The following PIBF1 variants were observed in gnomAD, a reference collection of about 807,000 sequenced individuals.
The protein encoded by PIBF1 is progesterone immunomodulatory binding factor 1.
PIBF1 carries 90 observed loss-of-function variants against 112.5 expected under a neutral mutation model. The ratio of observed to expected loss-of-function variants is 0.80; its 90% confidence interval spans 0.67 to 0.95. PIBF1 has a LOEUF of 0.95. Among genes scored for constraint, PIBF1 ranks in the 40% least tolerant of loss-of-function variants. The pLI, the probability that PIBF1 is intolerant of heterozygous loss-of-function variation, is 0.00. For missense variants in PIBF1, 915 were observed against 852.3 expected (o/e 1.07, Z -0.92); for synonymous variants, 301 against 288.6 (o/e 1.04, Z -0.44).
intron 14 of PIBF1, among the ~76,000 whole-genome samples, chr13:72,938,450 C>A (rs1407874209): frequency 6.6e-6 from 1 of 152,102 alleles, no homozygotes; most frequent in Non-Finnish European, 1.5e-5. Flanking sequence ...TAAATGAAAT[C>A]ATGCAATATT....
chr13:72,882,771 C>G (rs1020260817), intron 10 of PIBF1, among the ~76,000 whole-genome samples: 4 of 152,104 alleles, frequency 2.6e-5, no homozygotes, highest in Admixed American at 6.6e-5. Context: ...GGGCATTTAT[C>G]CAAAAGACAA....
chr13:72,938,057 C>CT (rs771989313), intron 14 of PIBF1, among the ~76,000 whole-genome samples: 4 of 151,912 alleles, frequency 2.6e-5, no homozygotes, highest in Non-Finnish European at 5.9e-5. Context: ...GCTATTTTGC[C>CT]TATTTTTAGT....
At chr13:72,904,785 C>T (rs188280181) in intron 11 of PIBF1, among the ~76,000 whole-genome samples, 1 of 151,736 alleles carries the variant, frequency 6.6e-6, no homozygotes, top group Admixed American at 6.6e-5. Flanking sequence ...TTTAAGACCA[C>T]ATAATATAGA....
At chr13:72,972,606 G>A (rs2042924421) in intron 15 of PIBF1, among the ~76,000 whole-genome samples, 1 of 151,826 alleles carries the variant, frequency 6.6e-6, no homozygotes, top group South Asian at 2.1e-4. Context: ...AGAGGTTGCA[G>A]TGAGCCGAGA....
chr13:72,937,967 T>C (rs1436105239), intron 14 of PIBF1, among the ~76,000 whole-genome samples: 2 of 152,246 alleles, frequency 1.3e-5, no homozygotes, highest in Admixed American at 6.5e-5. Context: ...CTATTCCTTC[T>C]GGTTGATGCA....
intron 13 of PIBF1, among the ~76,000 whole-genome samples, chr13:72,923,455 A>G (rs964724665): frequency 6.6e-6 from 1 of 152,344 alleles, no homozygotes; most frequent in East Asian, 1.9e-4. Context: ...TGGTGGTGGT[A>G]GTTTCTAGCT....
chr13:72,846,356 T>G (rs1419654941), intron 9 of PIBF1, among the ~76,000 whole-genome samples: 1 of 152,196 alleles, frequency 6.6e-6, no homozygotes, highest in East Asian at 1.9e-4. Context: ...TATATTACCT[T>G]GCTTCAAGTC....
chr13:72,993,745 CAA>C (rs34464067), intron 16 of PIBF1, among the ~76,000 whole-genome samples: 20 of 98,806 alleles, frequency 2.0e-4, no homozygotes, highest in Admixed American at 4.7e-4. Context: ...GACTCCATTT[CAA>C]AAAAAAAAAA....
At chr13:73,004,521 T>C (rs1289749893) in intron 17 of PIBF1, among the ~76,000 whole-genome samples, 1 of 103,286 alleles carries the variant, frequency 9.7e-6, no homozygotes, top group Non-Finnish European at 2.3e-5. Flanking sequence ...AAAGAAAATG[T>C]GATATTCACA....
At chr13:72,986,562 C>T (rs553499386) in intron 16 of PIBF1, among the ~76,000 whole-genome samples, 61 of 152,106 alleles carry the variant, frequency 4.0e-4, no homozygotes, top group South Asian at 2.5e-3. Flanking sequence ...AGTTATGTCC[C>T]GGAGGCTGTA....
chr13:72,884,893 T>G (rs1447653914), intron 10 of PIBF1, among the ~76,000 whole-genome samples: 1 of 152,082 alleles, frequency 6.6e-6, no homozygotes, highest in Non-Finnish European at 1.5e-5. Flanking sequence ...GGTGGGGAAA[T>G]AGTGATTTAG....
At chr13:72,902,387 ATAAT>A (rs144454026) in intron 11 of PIBF1, among the ~76,000 whole-genome samples, 2,852 of 152,044 alleles carry the variant, frequency 0.019, 39 homozygotes, top group Non-Finnish European at 0.031. Flanking sequence ...TTACGGAAAA[ATAAT>A]TAATAAATAA....
chr13:72,842,112 T>G (rs1251376391), intron 9 of PIBF1, among the ~76,000 whole-genome samples: 1 of 152,236 alleles, frequency 6.6e-6, no homozygotes, highest in African/African-American at 2.4e-5. Flanking sequence ...TGCCATTCTT[T>G]TCTGTCTAAA....
At chr13:72,923,833 G>T (rs1488836100) in intron 13 of PIBF1, among the ~76,000 whole-genome samples, 1 of 152,102 alleles carries the variant, frequency 6.6e-6, no homozygotes, top group Non-Finnish European at 1.5e-5. Context: ...GCATAGTGGT[G>T]GGCGCCTGTA....
chr13:72,873,613 G>C (rs2039258246), intron 10 of PIBF1, among the ~76,000 whole-genome samples: 1 of 151,984 alleles, frequency 6.6e-6, no homozygotes. Flanking sequence ...TGTTGGTCAG[G>C]CTGGTCTGAC....
intron 10 of PIBF1, among the ~76,000 whole-genome samples, chr13:72,874,472 A>C (rs1280996488): frequency 6.6e-6 from 1 of 152,202 alleles, no homozygotes; most frequent in Non-Finnish European, 1.5e-5. Flanking sequence ...AAAGAAGACA[A>C]ACACAAAAGA....
chr13:73,009,839 G>A (rs948763413), intron 17 of PIBF1, among the ~76,000 whole-genome samples: 2 of 152,234 alleles, frequency 1.3e-5, no homozygotes, highest in African/African-American at 4.8e-5. Context: ...CATATTAGGG[G>A]TGGGAGTAAT....
chr13:72,925,690 T>C (rs1344088949), intron 13 of PIBF1, among the ~76,000 whole-genome samples: 4 of 151,594 alleles, frequency 2.6e-5, no homozygotes, highest in Non-Finnish European at 5.9e-5. Flanking sequence ...TACAGGCGCC[T>C]GCCACCACAC....
At chr13:72,965,206 G>C (rs189126669) in intron 14 of PIBF1, 68 bp from the exon 15 acceptor site, 76 of 1,340,680 alleles carry the variant, frequency 5.7e-5, no homozygotes, top group Non-Finnish European at 7.9e-5. Flanking sequence ...ATTTGTGCTA[G>C]AGCATTTTGA....
Sources: gnomAD v4.1 joint callset for allele counts (sites outside exome capture counted in the v4.1 genomes callset) on GRCh38, gnomAD v4.1.1 for gene constraint, MANE v1.5 for transcripts, NCBI Gene and HGNC (gene_info 2026-07-23, HGNC 2026-07-21) for gene names.